The following ASPH variants were observed in gnomAD, a reference collection of about 807,000 sequenced individuals.
ASPH encodes the protein aspartate beta-hydroxylase, also known as aspartyl/asparaginyl beta-hydroxylase.
Under a neutral mutation model 118.4 loss-of-function variants are expected in ASPH, and 100 were observed. The ratio of observed to expected loss-of-function variants is 0.84; its 90% CI spans 0.72 to 1.00. The LOEUF (loss-of-function observed/expected upper bound fraction) is 1.00, where lower values mean the gene tolerates loss of function less well. Ranked by LOEUF, ASPH falls within the 50% of genes least tolerant of loss-of-function variation. ASPH has a pLI of 0.00. For missense variants in ASPH, 920 were observed against 919.5 expected (o/e 1.00, Z -0.01); for synonymous variants, 315 against 325.6 (o/e 0.97, Z 0.35).
At chr8:61,628,933 G>A (rs1854278374) in intron 13 of ASPH, among the ~76,000 whole-genome samples, 1 of 152,162 alleles carries the variant, frequency 6.6e-6, no homozygotes, top group Non-Finnish European at 1.5e-5. Flanking sequence ...AAGCACTTAT[G>A]GAATATTAGC....
At chr8:61,629,845 A>C (rs1378458244) in intron 13 of ASPH, among the ~76,000 whole-genome samples, 1 of 152,182 alleles carries the variant, frequency 6.6e-6, no homozygotes, top group Non-Finnish European at 1.5e-5. Context: ...ACGGCAGCTG[A>C]CAGTGTGGAC....
At chr8:61,624,743 T>C in intron 13 of ASPH, 1 of 985,776 alleles carries the variant, frequency 1.0e-6, no homozygotes, top group East Asian at 1.1e-4. Context: ...CAGCAAAACT[T>C]ACTTTTACTC....
At chr8:61,627,370 A>C (rs1220948808) in intron 13 of ASPH, among the ~76,000 whole-genome samples, 1 of 152,252 alleles carries the variant, frequency 6.6e-6, no homozygotes, top group African/African-American at 2.4e-5. Flanking sequence ...ATTCAAGAGC[A>C]GACAAAACTA....
intron 13 of ASPH, chr8:61,624,404 T>G: frequency 1.0e-6 from 1 of 985,356 alleles, no homozygotes; most frequent in Non-Finnish European, 1.2e-6. Flanking sequence ...GTTAACTGGC[T>G]GAAGGTATTC....
chr8:61,523,583 T>C (rs137949011), intron 22 of ASPH, among the ~76,000 whole-genome samples: 13,558 of 152,034 alleles, frequency 0.089, 682 homozygotes, highest in Non-Finnish European at 0.12. Flanking sequence ...TCCCAAAGTG[T>C]TGGGATTACA....
intron 14 of ASPH, among the ~76,000 whole-genome samples, chr8:61,610,596 G>A (rs750537351): frequency 6.6e-6 from 1 of 152,216 alleles, no homozygotes; most frequent in Admixed American, 6.5e-5. Flanking sequence ...TTTAAGAGCA[G>A]TTATCTCATA....
chr8:61,685,646 T>G (rs1411128126), intron 1 of ASPH, among the ~76,000 whole-genome samples: 1 of 152,040 alleles, frequency 6.6e-6, no homozygotes, highest in East Asian at 1.9e-4. Context: ...TGAAATTCTT[T>G]GTGTTAAAAG....
At chr8:61,680,749 T>C (rs964390982) in intron 3 of ASPH, 37 of 337,378 alleles carry the variant, frequency 1.1e-4, no homozygotes, top group Non-Finnish European at 1.6e-4. Flanking sequence ...AAAAGATATA[T>C]GTGTAAGAGA....
chr8:61,546,248 C>G (rs943894636), intron 21 of ASPH, among the ~76,000 whole-genome samples: 1 of 152,196 alleles, frequency 6.6e-6, no homozygotes, highest in Non-Finnish European at 1.5e-5. Context: ...CCGAAGTCTG[C>G]CCTACTGCTA....
intron 14 of ASPH, among the ~76,000 whole-genome samples, chr8:61,591,573 G>A (rs1025667060): frequency 1.1e-4 from 17 of 152,088 alleles, no homozygotes; most frequent in Admixed American, 9.8e-4. Flanking sequence ...GCAAGGTCTC[G>A]CTAATTTTAG....
At chr8:61,669,777 G>A (rs1238424728) in intron 3 of ASPH, among the ~76,000 whole-genome samples, 1 of 152,102 alleles carries the variant, frequency 6.6e-6, no homozygotes, top group Non-Finnish European at 1.5e-5. Context: ...GTAGAGTGAG[G>A]AAACCCAGAC....
At chr8:61,565,122 C>T (rs1018791281) in intron 17 of ASPH, among the ~76,000 whole-genome samples, 1 of 152,198 alleles carries the variant, frequency 6.6e-6, no homozygotes, top group Admixed American at 6.5e-5. Flanking sequence ...CTACTTTTAG[C>T]ATCTAGCTGG....
chr8:61,624,029 G>A (rs531730141), intron 13 of ASPH: 11 of 186,682 alleles, frequency 5.9e-5, no homozygotes, highest in Middle Eastern at 2.8e-3. Flanking sequence ...GAAGGGTAGT[G>A]AGGGGAGAGG....
rs186655337 is a variant in ASPH at position 61,677,939 on chromosome 8, C to T, written c.322+3029G>A. On this transcript the variant is annotated intron_variant, in intron 3 of 24. Transcript: ENST00000379454. ...AAAACTGTTTACCCAGCCAAGCAAC[C>T]TTCCTGTGGTTCTCAAGACAAAAGT... Among the ~76,000 whole-genome samples, 616 of 152,238 alleles carry T rather than the reference C, an allele frequency of 4.0e-3. 6 individuals carry two copies. The highest frequency in any genetic ancestry group is 0.014 in the African/African-American group (568 of 41,554).
At position 61,695,104 on chromosome 8, in the gene ASPH, G is replaced by A. The variant is rs139006905; in HGVS notation, c.104-10916C>T. Among the ~76,000 whole-genome samples, 840 of 152,294 alleles carry A rather than the reference G, an allele frequency of 5.5e-3. 9 individuals carry two copies. Among genetic ancestry groups the A allele is most frequent in the African/African-American group, 0.019 (789 of 41,556 alleles). ...ATAGTTTTTAAAAGCATTTGCGTGT[G>A]CCATGACATTAAAAAGTGAGAAACT... On this transcript the variant is annotated intron_variant, in intron 1 of 24. Coordinates refer to ENST00000379454, the MANE Select transcript of ASPH (RefSeq NM_004318.4).
chr8:61,656,734 T>C (rs974315439), intron 3 of ASPH: 1 of 152,206 alleles, frequency 6.6e-6, no homozygotes, highest in African/African-American at 2.4e-5. Context: ...AATCACTATA[T>C]AATTGCCCCT....
intron 14 of ASPH, among the ~76,000 whole-genome samples, chr8:61,591,249 G>A (rs1841035568): frequency 6.6e-6 from 1 of 152,192 alleles, no homozygotes; most frequent in Non-Finnish European, 1.5e-5. Context: ...ATGTGAATTT[G>A]TAATTGGGCA....
chr8:61,589,612 C>G (rs762937884), intron 14 of ASPH, among the ~76,000 whole-genome samples: 1 of 152,164 alleles, frequency 6.6e-6, no homozygotes, highest in Non-Finnish European at 1.5e-5. Flanking sequence ...TTCCAAGCAC[C>G]CTACTCTTGA....
intron 2 of ASPH, chr8:61,683,739 T>C (rs896373513): frequency 8.8e-6 from 2 of 228,300 alleles, no homozygotes; most frequent in East Asian, 9.2e-5. Flanking sequence ...CAAAATTGAA[T>C]AGAAATCAAA....
Sources: allele counts gnomAD v4.1 joint callset (sites outside exome capture counted in the v4.1 genomes callset), GRCh38; gene constraint gnomAD v4.1.1; transcripts MANE v1.5; gene names NCBI Gene and HGNC (gene_info 2026-07-23, HGNC 2026-07-21).